The following VNN1 variants were observed in gnomAD, a reference collection of about 807,000 sequenced individuals.
VNN1 encodes the protein pantetheinase.
A neutral mutation model predicts 41.9 loss-of-function variants in VNN1; 29 were observed. The ratio of observed to expected loss-of-function variants is 0.69; its 90% CI spans 0.52 to 0.94. The LOEUF is 0.94. VNN1 is among the 40% of genes least tolerant of loss of function. The pLI, the probability that VNN1 is intolerant of heterozygous loss-of-function variation, is 0.00. For synonymous variants in VNN1, 233 were observed against 224.4 expected, an observed-to-expected ratio of 1.04 and a Z score of -0.34; for missense variants, 637 against 621.1, an observed-to-expected ratio of 1.03 and a Z score of -0.27.
At chr6:132,712,361 G>A (rs1336428692) in intron 1 of VNN1, among the ~76,000 whole-genome samples, 1 of 151,996 alleles carries the variant, frequency 6.6e-6, no homozygotes, top group Non-Finnish European at 1.5e-5. Flanking sequence ...TATTGGTCAG[G>A]ATGGTCTTGA....
rs3798799 is a variant in VNN1, at chr6:132,692,493, G to A, written c.918C>T (p.Ser306=). 243 of 1,613,622 alleles carry A rather than the reference G, an allele frequency of 1.5e-4. 2 individuals carry two copies. In the East Asian group the frequency reaches 5.4e-3, roughly 36 times the overall value. The change falls in exon 5 of 7, where the codon TCC becomes TCT. Residue 306 remains serine (S), a synonymous_variant. Coordinates refer to ENST00000367928, the MANE Select transcript of VNN1 (RefSeq NM_004666.3). ...EGKLLLSQLD[S]HPSHSAVVNW... ...TCACCACTGCAGAATGGGATGGGTG[G>A]GAATCCAGTTGCGAGAGGAGGAGTT...
At position 132,684,335 on chromosome 6, in the gene VNN1, C is replaced by T. The variant is rs780541208; in HGVS notation, c.1359G>A (p.Gln453=). The stretch of plus-strand genomic sequence containing the variant: ...ATTGGCAATATTCGAAGATTCTTAC[C>T]TGAAATTCTCCAGGTGCAAGCTGAT... The part of the protein sequence containing the change: ...SENQLAPGEF[Q]VSTDGRLFSL... Residue 453 remains glutamine, a splice_region_variant and synonymous_variant, in exon 6 of 7, where the codon CAG becomes CAA. Transcript: ENST00000367928. 1 of 1,607,002 alleles carries T rather than the reference C, an allele frequency of 6.2e-7. No individual in the cohort carries two copies.
At chr6:132,706,678 C>T (rs945061165) in intron 2 of VNN1, among the ~76,000 whole-genome samples, 1 of 152,108 alleles carries the variant, frequency 6.6e-6, no homozygotes, top group Non-Finnish European at 1.5e-5. Flanking sequence ...AGGTAAAAAG[C>T]TTCTGCACAG....
At chr6:132,700,308 T>C (rs1778432720) in intron 2 of VNN1, among the ~76,000 whole-genome samples, 1 of 118,494 alleles carries the variant, frequency 8.4e-6, no homozygotes, top group Non-Finnish European at 1.7e-5. Flanking sequence ...CTAAATTTTA[T>C]TTAAAAAAAA....
intron 2 of VNN1, among the ~76,000 whole-genome samples, chr6:132,705,612 G>A (rs1214042733): frequency 6.6e-6 from 1 of 152,130 alleles, no homozygotes; most frequent in Non-Finnish European, 1.5e-5. Flanking sequence ...ATCTAGAAAA[G>A]ACAAGAATGT....
rs561686337 is a variant in VNN1 at position 132,697,178 on chromosome 6, A to AGGAT, written c.342-3000_342-2997dup. Among the ~76,000 whole-genome samples the AGGAT allele has an allele frequency of 1.1e-3, 163 of 152,248 alleles. 5 individuals are homozygous for AGGAT. The East Asian group carries it at 0.024, about 23-fold the overall frequency. ...GAGGCAGGGAGGAAGGAAGGAAGGA[A>AGGAT]GGATGGATATTGAGCTTTGCACAAG... On this transcript the variant is annotated intron_variant, in intron 2 of 6. Coordinates refer to ENST00000367928, the MANE Select transcript of VNN1 (RefSeq NM_004666.3).
chr6:132,685,589 T>A (rs1399055758), intron 5 of VNN1, among the ~76,000 whole-genome samples: 1 of 151,456 alleles, frequency 6.6e-6, no homozygotes, highest in South Asian at 2.1e-4. Flanking sequence ...ATACAAAAAG[T>A]AGTAATTGAT....
At chr6:132,697,828 CCTTTG>C (rs1292345720) in intron 2 of VNN1, among the ~76,000 whole-genome samples, 1 of 152,120 alleles carries the variant, frequency 6.6e-6, no homozygotes, top group East Asian at 1.9e-4. Flanking sequence ...GTTTAACCCA[CCTTTG>C]CTTCAATTGA....
chr6:132,713,083 C>T (rs754764200), intron 1 of VNN1, among the ~76,000 whole-genome samples: 10 of 152,136 alleles, frequency 6.6e-5, no homozygotes, highest in Non-Finnish European at 1.3e-4. Flanking sequence ...TGCAGTGAGA[C>T]GTGATCACAC....
In VNN1 at chr6:132,713,940, A is replaced by T. The variant is rs749607631; in HGVS notation, c.96T>A (p.His32Gln). 7 of 1,614,180 alleles carry T rather than the reference A, an allele frequency of 4.3e-6. No individual in the cohort carries two copies. The highest frequency in any genetic ancestry group is 5.9e-6 in the Non-Finnish European group (7 of 1,180,044). Residue 32 changes from histidine to glutamine, a missense_variant, in exon 1 of 7, where the codon CAT becomes CAA. Transcript: ENST00000367928. ...GGGTGGCATTGGGCAATATCGCTGC[A>T]TGCTCATAAACAGCTGCAGTGAAAG... ...QDTFTAAVYE[H>Q]AAILPNATLT...
chr6:132,696,675 G>GA (rs34350742), intron 2 of VNN1, among the ~76,000 whole-genome samples: 65,325 of 149,280 alleles, frequency 0.44, 15,290 homozygotes, highest in African/African-American at 0.6. Flanking sequence ...AGTACTGAAA[G>GA]AAAAAAAAAT....
chr6:132,698,377 C>A lies in VNN1; in HGVS notation c.342-4195G>T, dbSNP rs182348141. ...ATATGCATTAGGTTTTGACACAACACAAAGCACTATATTGGACATGTGGGC... is the reference window on the plus strand; with the variant it reads ...ATATGCATTAGGTTTTGACACAACAAAAAGCACTATATTGGACATGTGGGC... On this transcript the variant is annotated intron_variant, in intron 2 of 6. Coordinates refer to ENST00000367928, the MANE Select transcript of VNN1 (RefSeq NM_004666.3). Among the ~76,000 whole-genome samples, 1,121 of 152,272 alleles carry A rather than the reference C, an allele frequency of 7.4e-3. 10 individuals carry two copies. The highest frequency in any genetic ancestry group is 0.025 in the African/African-American group (1,041 of 41,562).
chr6:132,693,248 G>T lies in VNN1; in HGVS notation c.602C>A (p.Thr201Asn), dbSNP rs761589858. Residue 201 changes from threonine to asparagine, a missense_variant, in exon 4 of 7, where the codon ACC (threonine) becomes AAC (asparagine). By Grantham distance (65) the Thr-to-Asn change is moderately conservative (BLOSUM62 0). Transcript: ENST00000367928. ...PKEPEIVTFN[T>N]TFGSFGIFTC... Reference sequence around the variant, plus strand: ...GAAAATGCCAAAACTTCCAAAGGTGGTATTGAAAGTCACAATCTCAGGCTC... The same window carrying T: ...GAAAATGCCAAAACTTCCAAAGGTGTTATTGAAAGTCACAATCTCAGGCTC... The T allele has an allele frequency of 1.2e-6, 2 of 1,613,834 alleles. No homozygotes were observed. The highest frequency in any genetic ancestry group is 2.2e-5 in the South Asian group (2 of 91,066).
At chr6:132,702,725 C>A (rs377579417) in intron 2 of VNN1, among the ~76,000 whole-genome samples, 9 of 152,180 alleles carry the variant, frequency 5.9e-5, no homozygotes, top group Admixed American at 3.9e-4. Flanking sequence ...ATCCCCCAAC[C>A]CAGGCCCTAG....
intron 4 of VNN1, 51 bp downstream of exon 4, chr6:132,692,970 TTTC>T: frequency 6.7e-7 from 1 of 1,502,892 alleles, no homozygotes. Flanking sequence ...ATGTTTTTTT[TTTC>T]TTTTCTTTTC....
chr6:132,694,305 A>G (rs45442593), intron 2 of VNN1, 123 bp from the exon 3 acceptor site: 14,470 of 1,010,432 alleles, frequency 0.014, 188 homozygotes, highest in Admixed American at 0.047. Flanking sequence ...CTAAATAACA[A>G]TAATTAGAAG....
rs549972102 is a variant in VNN1, at chr6:132,681,598, A to G, written c.*1542T>C. On this transcript the variant is annotated 3_prime_UTR_variant, in exon 7 of 7. Transcript: ENST00000367928. ...AAAAGAAACACTTAGGATGTTTTTGAAGTTTTTAATAATTCAAGCCTATCA... is the reference window on the plus strand; with the variant it reads ...AAAAGAAACACTTAGGATGTTTTTGGAGTTTTTAATAATTCAAGCCTATCA... 6.6e-6 allele frequency: 1 copy of G among 152,574 alleles called. No homozygotes were observed. The highest frequency in any genetic ancestry group is 1.5e-5 in the Non-Finnish European group (1 of 68,030). The allele number at this position is 152,574 out of a possible 1,614,324, so 9.5% of individuals were successfully genotyped here. A position where few individuals can be genotyped will look rare whatever the true frequency, so the allele number is the denominator to read the frequency against.
chr6:132,690,013 C>T (rs897841140), intron 5 of VNN1, among the ~76,000 whole-genome samples: 18 of 152,196 alleles, frequency 1.2e-4, no homozygotes, highest in African/African-American at 4.3e-4. Context: ...TTTCCTGTTC[C>T]ACATCAAATT....
chr6:132,689,627 T>C (rs1054572601), intron 5 of VNN1, among the ~76,000 whole-genome samples: 2 of 152,206 alleles, frequency 1.3e-5, no homozygotes, highest in Non-Finnish European at 2.9e-5. Flanking sequence ...TTGTCCTCTG[T>C]CCTTTCCTGC....
Sources: allele counts gnomAD v4.1 joint callset (sites outside exome capture counted in the v4.1 genomes callset), GRCh38; gene constraint gnomAD v4.1.1; transcripts MANE v1.5; gene names NCBI Gene and HGNC (gene_info 2026-07-23, HGNC 2026-07-21).